SPAG16: variants seen among roughly 807,000 people sequenced by gnomAD.
SPAG16 encodes sperm associated antigen 16.
SPAG16 carries 86 observed loss-of-function variants against 80.4 expected under a neutral mutation model. The ratio of observed to expected loss-of-function variants is 1.07; its 90% CI spans 0.90 to 1.28. The LOEUF is 1.28. SPAG16 is among the 50% of genes most tolerant of loss of function. The pLI is 0.00. For synonymous variants in SPAG16, 294 were observed against 265.9 expected, an observed-to-expected ratio of 1.11 and a Z score of -1.03; for missense variants, 870 against 765.3, an observed-to-expected ratio of 1.14 and a Z score of -1.61.
Position 214,114,679 on chromosome 2 carries a change from G to A in SPAG16, c.1593+6418G>A, listed in dbSNP as rs111647167. Among the ~76,000 whole-genome samples the A allele has an allele frequency of 6.4e-3, 978 of 152,286 alleles. 8 individuals carry two copies. The highest frequency in any genetic ancestry group is 0.023 in the African/African-American group (946 of 41,568). On this transcript the variant is annotated intron_variant, in intron 14 of 15. Coordinates refer to ENST00000331683, the MANE Select transcript of SPAG16 (RefSeq NM_024532.5). ...CTTCGGAAAAGCATAGTATTTGGGC[G>A]GGAGTGTCCCGTTTTTCCAGGTACA...
intron 11 of SPAG16, among the ~76,000 whole-genome samples, chr2:213,917,438 C>T (rs1200116576): frequency 6.6e-6 from 1 of 152,118 alleles, no homozygotes; most frequent in Non-Finnish European, 1.5e-5. Flanking sequence ...TCTGTGTCAC[C>T]TCTGATTTCT....
chr2:214,239,527 A>C (rs1576572579), intron 15 of SPAG16: 1 of 152,188 alleles, frequency 6.6e-6, no homozygotes, highest in Non-Finnish European at 1.5e-5. Context: ...GGGGACTTCA[A>C]ATTTATTTTG....
intron 10 of SPAG16, among the ~76,000 whole-genome samples, chr2:213,842,420 T>C (rs768644080): frequency 6.3e-4 from 96 of 152,222 alleles, no homozygotes; most frequent in Non-Finnish European, 1.2e-3. Context: ...GTATATGTTT[T>C]ATAAAAATTT....
intron 10 of SPAG16, among the ~76,000 whole-genome samples, chr2:213,826,696 G>A (rs2073324656): frequency 6.6e-6 from 1 of 151,934 alleles, no homozygotes; most frequent in Admixed American, 6.6e-5. Context: ...ATATGCTGAT[G>A]AAAGAATGTG....
rs367962220 is a variant in SPAG16 at position 213,778,477 on chromosome 2, T to C, written c.1071-84008T>C. ...TTTCCCAGGGCAGTATGTAGTATGC[T>C]TTATTACGGACCATATCAACCCTAG... On this transcript the variant is annotated intron_variant, in intron 10 of 15. Coordinates refer to ENST00000331683, the MANE Select transcript of SPAG16 (RefSeq NM_024532.5). Among the ~76,000 whole-genome samples, 5 of 152,260 alleles carry C rather than the reference T, an allele frequency of 3.3e-5. No individual in the cohort carries two copies. The East Asian group carries it at 9.6e-4, about 29-fold the overall frequency.
intron 11 of SPAG16, among the ~76,000 whole-genome samples, chr2:213,863,427 C>G (rs980676995): frequency 2.0e-5 from 3 of 151,706 alleles, no homozygotes; most frequent in African/African-American, 7.3e-5. Context: ...TTTATTTTAT[C>G]TTTGCTATGA....
intron 13 of SPAG16, among the ~76,000 whole-genome samples, chr2:214,093,712 A>T (rs944837381): frequency 3.9e-5 from 6 of 152,082 alleles, no homozygotes; most frequent in Non-Finnish European, 8.8e-5. Flanking sequence ...TTAATGCTCT[A>T]GTGCAGAATT....
At chr2:214,200,605 A>G (rs1418111096) in intron 15 of SPAG16, among the ~76,000 whole-genome samples, 2 of 152,090 alleles carry the variant, frequency 1.3e-5, no homozygotes, top group Admixed American at 1.3e-4. Context: ...CCCAGGAGGC[A>G]GAGGTTGCAG....
intron 1 of SPAG16, among the ~76,000 whole-genome samples, chr2:213,292,831 C>G (rs933927983): frequency 2.0e-5 from 3 of 151,766 alleles, no homozygotes; most frequent in Non-Finnish European, 4.4e-5. Context: ...TCATCTCTTT[C>G]CAGAGTGAGA....
chr2:213,446,516 T>A (rs1020703980), intron 9 of SPAG16, among the ~76,000 whole-genome samples: 12 of 152,120 alleles, frequency 7.9e-5, no homozygotes, highest in African/African-American at 2.4e-4. Flanking sequence ...CTCCTTTGAA[T>A]AAACATAGGC....
chr2:213,559,228 T>A (rs2059526656), intron 10 of SPAG16, among the ~76,000 whole-genome samples: 1 of 152,114 alleles, frequency 6.6e-6, no homozygotes, highest in Non-Finnish European at 1.5e-5. Context: ...GTCTCTGAAT[T>A]ATCTACACAT....
At chr2:213,833,509 TATA>T (rs1191786559) in intron 10 of SPAG16, among the ~76,000 whole-genome samples, 246 of 2,252 alleles carry the variant, frequency 0.11, 58 homozygotes, top group Non-Finnish European at 0.19. Context: ...ATATATTATA[TATA>T]ATATATATAA....
At chr2:214,329,794 A>G (rs1696765220) in intron 15 of SPAG16, among the ~76,000 whole-genome samples, 1 of 152,188 alleles carries the variant, frequency 6.6e-6, no homozygotes, top group Admixed American at 6.5e-5. Flanking sequence ...GTACCCTGTA[A>G]TAGTATCTTA....
At chr2:214,036,606 G>T (rs2048710678) in intron 13 of SPAG16, among the ~76,000 whole-genome samples, 1 of 152,136 alleles carries the variant, frequency 6.6e-6, no homozygotes, top group Admixed American at 6.6e-5. Flanking sequence ...CAGGATAATT[G>T]TATTTTCTCC....
At chr2:214,111,716 G>A (rs1036614716) in intron 14 of SPAG16, among the ~76,000 whole-genome samples, 13 of 127,566 alleles carry the variant, frequency 1.0e-4, no homozygotes, top group African/African-American at 3.2e-4. Context: ...AAATTACCTT[G>A]GGCAGTATGG....
At chr2:214,233,385 T>C (rs1276888561) in intron 15 of SPAG16, among the ~76,000 whole-genome samples, 3 of 151,612 alleles carry the variant, frequency 2.0e-5, no homozygotes, top group East Asian at 1.9e-4. Context: ...ATGATGATGG[T>C]AGAATAGATG....
chr2:214,247,333 C>A (rs1290588877), intron 15 of SPAG16, among the ~76,000 whole-genome samples: 1 of 151,856 alleles, frequency 6.6e-6, no homozygotes, highest in Admixed American at 6.6e-5. Context: ...CATCTGAAGT[C>A]TAATAGGTTT....
intron 10 of SPAG16, among the ~76,000 whole-genome samples, chr2:213,581,975 C>T (rs1478211441): frequency 6.6e-6 from 1 of 152,124 alleles, no homozygotes; most frequent in Non-Finnish European, 1.5e-5. Flanking sequence ...CCCTGTACAT[C>T]ATAGAGAGTC....
At chr2:213,319,505 C>G (rs1351181139) in intron 5 of SPAG16, among the ~76,000 whole-genome samples, 1 of 151,902 alleles carries the variant, frequency 6.6e-6, no homozygotes, top group African/African-American at 2.4e-5. Flanking sequence ...AACCAGTGTT[C>G]TCTCTATTCT....
Sources: gnomAD v4.1 joint callset for allele counts (sites outside exome capture counted in the v4.1 genomes callset) on GRCh38, gnomAD v4.1.1 for gene constraint, MANE v1.5 for transcripts, NCBI Gene and HGNC (gene_info 2026-07-23, HGNC 2026-07-21) for gene names.